USP48: variants seen among roughly 807,000 people sequenced by gnomAD.
USP48 encodes the protein ubiquitin carboxyl-terminal hydrolase 48.
In USP48, 43 loss-of-function variants were observed where a neutral mutation model predicts 150.7. The ratio of observed to expected loss-of-function variants is 0.29; its 90% CI spans 0.22 to 0.37. USP48 has a LOEUF of 0.37. USP48 is among the 10% of genes least tolerant of loss of function. USP48 has a pLI of 1.00. For synonymous variants in USP48, 396 were observed against 425.9 expected, an observed-to-expected ratio of 0.93 and a Z score of 0.86; for missense variants, 813 against 1,249.6, an observed-to-expected ratio of 0.65 and a Z score of 5.27.
chr1:21,715,900 G>A lies in USP48; in HGVS notation c.1895-443C>T, dbSNP rs527240978. 1.1e-3 allele frequency among the ~76,000 whole-genome samples: 171 copies of A among 152,186 alleles called. 1 individual carries two copies. Among genetic ancestry groups the A allele is most frequent in the African/African-American group, 3.8e-3 (157 of 41,550 alleles). On this transcript the variant is annotated intron_variant, in intron 14 of 26. Coordinates refer to ENST00000308271, the MANE Select transcript of USP48 (RefSeq NM_032236.8). ...TTTATCATCAAACAGAGTACTCCCC[G>A]CTGATCAGTCAGGGCATATGTTCTA...
intron 9 of USP48, among the ~76,000 whole-genome samples, chr1:21,735,706 T>C (rs771189032): frequency 1.3e-5 from 2 of 152,084 alleles, no homozygotes; most frequent in African/African-American, 4.8e-5. Context: ...CTGACCAACA[T>C]TGTGAAACCT....
chr1:21,749,855 A>C (rs972996326), intron 6 of USP48, among the ~76,000 whole-genome samples: 3 of 152,150 alleles, frequency 2.0e-5, no homozygotes, highest in Non-Finnish European at 4.4e-5. Flanking sequence ...CTACTGTCTC[A>C]GTCTCATAAA....
Position 21,706,860 on chromosome 1 carries a change from A to G in USP48, c.1972T>C (p.Cys658Arg). The change falls in exon 16 of 27, where the codon TGC becomes CGC. Residue 658 changes from cysteine to arginine, a missense_variant. Physicochemically the swap from Cys to Arg is radical, Grantham distance 180. Transcript: ENST00000308271. ...EDILCPHGEL[C>R]ISENERRLVS... is the part of the protein sequence containing the mutation. ...AGCCTTCTTTCATTTTCAGATATGC[A>G]TAACTCACCTGAGTTTAAAAAAATA... 1.2e-6 allele frequency: 2 copies of G among 1,604,720 alleles called. No individual in the cohort carries two copies. Among genetic ancestry groups the G allele is most frequent in the Non-Finnish European group, 1.7e-6 (2 of 1,176,890 alleles).
At chr1:21,684,864 A>T (rs1240878909) in intron 25 of USP48, among the ~76,000 whole-genome samples, 1 of 151,994 alleles carries the variant, frequency 6.6e-6, no homozygotes, top group Admixed American at 6.6e-5. Flanking sequence ...AAATACGTGA[A>T]TTTATTTTTG....
intron 1 of USP48, among the ~76,000 whole-genome samples, chr1:21,779,181 T>C (rs1283562940): frequency 6.6e-6 from 1 of 152,036 alleles, no homozygotes; most frequent in African/African-American, 2.4e-5. Context: ...AAGGCTGCAG[T>C]GAGCCATGAT....
chr1:21,770,437 T>C (rs2097876173), intron 1 of USP48, among the ~76,000 whole-genome samples: 2 of 151,306 alleles, frequency 1.3e-5, no homozygotes, highest in Admixed American at 6.6e-5. Context: ...GTGGTAGATA[T>C]GGGACAGATA....
chr1:21,688,154 T>C (rs938026795), intron 24 of USP48, among the ~76,000 whole-genome samples: 4 of 152,092 alleles, frequency 2.6e-5, no homozygotes, highest in Admixed American at 2.6e-4. Flanking sequence ...AAAGAGGCAA[T>C]GGGAAGCGAC....
At chr1:21,771,407 A>T (rs917689175) in intron 1 of USP48, among the ~76,000 whole-genome samples, 8 of 148,616 alleles carry the variant, frequency 5.4e-5, no homozygotes, top group African/African-American at 1.5e-4. Context: ...TTATTAATAA[A>T]TTATAATTTA....
chr1:21,684,172 T>C (rs991572843), intron 25 of USP48, among the ~76,000 whole-genome samples: 5 of 152,232 alleles, frequency 3.3e-5, no homozygotes, highest in African/African-American at 9.6e-5. Context: ...CTGGATCATA[T>C]GGTAGTTATA....
intron 8 of USP48, among the ~76,000 whole-genome samples, chr1:21,738,809 C>T (rs74870104): frequency 8.6e-5 from 13 of 152,016 alleles, no homozygotes; most frequent in Non-Finnish European, 4.4e-5. Context: ...ATACTGGACA[C>T]GGTTTCAGGC....
chr1:21,712,097 G>A (rs2097691743), intron 15 of USP48, among the ~76,000 whole-genome samples: 1 of 152,194 alleles, frequency 6.6e-6, no homozygotes, highest in Non-Finnish European at 1.5e-5. Flanking sequence ...GATGGCTGAC[G>A]CCTGTAATCC....
rs2097623028 is a variant in USP48, at chr1:21,695,131, T to C, written c.2818A>G (p.Lys940Glu). The C allele has an allele frequency of 6.2e-7, 1 of 1,613,782 alleles. No individual in the cohort carries two copies. The highest frequency in any genetic ancestry group is 8.5e-7 in the Non-Finnish European group (1 of 1,179,934). ...AGAAGTGCTTTCTCACCACGAACTT[T>C]TCTATGTCGCATACTTCGGCGAATA... is the stretch of plus-strand genomic sequence containing the variant. ...QVIRRSMRHR[K>E]VRGEKALLVS... The change falls in exon 23 of 27, where the codon AAA becomes GAA. Residue 940 changes from lysine (K) to glutamate (E), a missense_variant. Transcript: ENST00000308271.
In USP48 at chr1:21,724,086, T is replaced by A; in HGVS notation, c.1460A>T (p.Glu487Val). 1 of 1,614,094 alleles carries A rather than the reference T, an allele frequency of 6.2e-7. No individual in the cohort carries two copies. The highest frequency in any genetic ancestry group is 8.5e-7 in the Non-Finnish European group (1 of 1,179,984). Reference protein sequence around the residue: ...QRLPAGAEPYEFVSLEWLQKW... With the variant: ...QRLPAGAEPYVFVSLEWLQKW... ...TTGCAGCCATTCCAGAGAGACAAAC[T>A]CATAGGGCTCTGAGAAAGCAAGCAT... Residue 487 changes from glutamate to valine, a missense_variant, in exon 12 of 27, where the codon GAG becomes GTG. Physicochemically the swap from Glu to Val is moderately radical, Grantham distance 121 (BLOSUM62 -2). Coordinates refer to ENST00000308271, the MANE Select transcript of USP48 (RefSeq NM_032236.8).
chr1:21,697,956 G>A (rs1162459507), intron 22 of USP48, among the ~76,000 whole-genome samples: 1 of 152,050 alleles, frequency 6.6e-6, no homozygotes, highest in Non-Finnish European at 1.5e-5. Flanking sequence ...AATTACCTAA[G>A]TGATACCCAA....
chr1:21,695,111 T>C lies in USP48; in HGVS notation c.2838A>G (p.Ala946=). 6.2e-7 allele frequency: 1 copy of C among 1,613,686 alleles called. No individual in the cohort carries two copies. The highest frequency in any genetic ancestry group is 8.5e-7 in the Non-Finnish European group (1 of 1,179,900). ...MRHRKVRGEK[A]LLVSANQTLK... is the part of the protein sequence containing the mutation. ...ACGTCTGATTAGCAGAAACGAGAAGTGCTTTCTCACCACGAACTTTTCTAT... is the reference window on the plus strand; with the variant it reads ...ACGTCTGATTAGCAGAAACGAGAAGCGCTTTCTCACCACGAACTTTTCTAT... The change falls in exon 23 of 27, where the codon GCA becomes GCG. Residue 946 remains alanine (A), a synonymous_variant. Transcript: ENST00000308271.
At chr1:21,756,802 C>A in intron 2 of USP48, 100 bp from the exon 3 acceptor site, 1 of 1,514,920 alleles carries the variant, frequency 6.6e-7, no homozygotes, top group South Asian at 1.3e-5. Flanking sequence ...ATGTGTAAGA[C>A]CGTCACAACC....
chr1:21,764,182 A>G (rs74582510), intron 1 of USP48, among the ~76,000 whole-genome samples: 2,628 of 152,282 alleles, frequency 0.017, 30 homozygotes, highest in Non-Finnish European at 0.027. Flanking sequence ...TCACACCTGT[A>G]GTCCCAGCAA....
At chr1:21,723,789 T>C in intron 12 of USP48, 109 bp downstream of exon 12, 2 of 914,480 alleles carry the variant, frequency 2.2e-6, no homozygotes, top group African/African-American at 1.7e-5. Flanking sequence ...AAGGAATATT[T>C]GGTCTAGCAT....
intron 14 of USP48, among the ~76,000 whole-genome samples, chr1:21,718,401 G>A (rs1356969037): frequency 6.6e-6 from 1 of 152,174 alleles, no homozygotes; most frequent in East Asian, 1.9e-4. Flanking sequence ...TGTGCTGCTT[G>A]AAGCTTTTGA....
Sources: allele counts gnomAD v4.1 joint callset (sites outside exome capture counted in the v4.1 genomes callset), GRCh38; gene constraint gnomAD v4.1.1; transcripts MANE v1.5; gene names NCBI Gene and HGNC (gene_info 2026-07-23, HGNC 2026-07-21).